DPYD: variants seen among roughly 807,000 people sequenced by gnomAD.
The protein encoded by DPYD is dihydropyrimidine dehydrogenase [NADP(+)].
Under a neutral mutation model 116.2 loss-of-function variants are expected in DPYD, and 109 were observed. That is an observed-to-expected ratio of 0.94 (90% confidence interval 0.80 to 1.10). The LOEUF is 1.10. Ranked by LOEUF, DPYD falls within the 50% of genes least tolerant of loss-of-function variation. The probability of loss-of-function intolerance (pLI) is 0.00; values close to 1 mark genes in which losing one functional copy is unlikely to be tolerated. For synonymous variants in DPYD, 440 were observed against 432.0 expected, an observed-to-expected ratio of 1.02 and a Z score of -0.23; for missense variants, 1,302 against 1,254.5, an observed-to-expected ratio of 1.04 and a Z score of -0.57.
intron 8 of DPYD, among the ~76,000 whole-genome samples, chr1:97,640,947 T>C (rs1657856255): frequency 6.6e-6 from 1 of 152,236 alleles, no homozygotes; most frequent in African/African-American, 2.4e-5. Flanking sequence ...TTGCCTGCTA[T>C]GATTTTAATG....
At chr1:97,734,085 G>T (rs1451134046) in intron 4 of DPYD, among the ~76,000 whole-genome samples, 3 of 151,982 alleles carry the variant, frequency 2.0e-5, no homozygotes, top group Non-Finnish European at 4.4e-5. Flanking sequence ...TTCAAGTGTG[G>T]TTAGTTTTTA....
chr1:97,905,071 G>T (rs1172595652), intron 1 of DPYD, among the ~76,000 whole-genome samples: 2 of 151,894 alleles, frequency 1.3e-5, no homozygotes, highest in African/African-American at 4.8e-5. Flanking sequence ...TACTATTTTA[G>T]AATTGATAAA....
At chr1:97,374,368 T>C (rs192631667) in intron 15 of DPYD, among the ~76,000 whole-genome samples, 419 of 152,256 alleles carry the variant, frequency 2.8e-3, no homozygotes, top group African/African-American at 9.3e-3. Flanking sequence ...ACTTTGAGAA[T>C]CTTAGAATTC....
intron 3 of DPYD, among the ~76,000 whole-genome samples, chr1:97,751,862 A>G (rs1239001040): frequency 6.6e-6 from 1 of 151,146 alleles, no homozygotes; most frequent in African/African-American, 2.4e-5. Flanking sequence ...TCCTGGATTC[A>G]AGCGATTCTC....
In DPYD at chr1:97,477,604, CTTTTTTTTTTTT is replaced by C. The variant is rs56199931; in HGVS notation, c.1741-27393_1741-27382del. On this transcript the variant is annotated intron_variant, in intron 13 of 22. Coordinates refer to ENST00000370192, the MANE Select transcript of DPYD (RefSeq NM_000110.4). Reference sequence around the variant, plus strand: ...CTGACCTCCTTCCATGACTGTTCTTCTTTTTTTTTTTTTTTTTTTTTTTTTTTAAGACGGAGT... The same window carrying C: ...CTGACCTCCTTCCATGACTGTTCTTCTTTTTTTTTTTTTTTAAGACGGAGT... Among the ~76,000 whole-genome samples, 207 of 113,664 alleles carry C rather than the reference CTTTTTTTTTTTT, an allele frequency of 1.8e-3. 1 individual carries two copies. The highest frequency in any genetic ancestry group is 4.8e-3 in the Middle Eastern group (1 of 208). 74.6% of individuals were successfully genotyped at this position (113,664 alleles called of 152,430 possible). A position where few individuals can be genotyped will look rare whatever the true frequency, so the allele number is the denominator to read the frequency against.
chr1:97,158,459 A>C (rs1000725952), intron 20 of DPYD, among the ~76,000 whole-genome samples: 5 of 138,700 alleles, frequency 3.6e-5, no homozygotes, highest in African/African-American at 1.3e-4. Flanking sequence ...CTTCTCCTGC[A>C]GATAACTCAC....
intron 16 of DPYD, among the ~76,000 whole-genome samples, chr1:97,358,808 C>T (rs1413964010): frequency 6.6e-6 from 1 of 152,084 alleles, no homozygotes; most frequent in African/African-American, 2.4e-5. Context: ...ATCTGTAGGT[C>T]ACCAACATTA....
At chr1:97,603,552 T>A (rs1655395546) in intron 8 of DPYD, among the ~76,000 whole-genome samples, 1 of 152,108 alleles carries the variant, frequency 6.6e-6, no homozygotes, top group Non-Finnish European at 1.5e-5. Context: ...GCTGCCACCA[T>A]AAACACACAT....
chr1:97,668,863 A>G (rs1659708555), intron 8 of DPYD, among the ~76,000 whole-genome samples: 1 of 152,170 alleles, frequency 6.6e-6, no homozygotes, highest in Non-Finnish European at 1.5e-5. Context: ...AAAGGAAAGA[A>G]TAGAAACACA....
chr1:97,098,361 T>G lies in DPYD; in HGVS notation c.2766+128A>C, dbSNP rs557608721. ...GCAGTTTTCACCATGGACAGATGTT[T>G]TTAAAACTTTCATTATAATTCTAAA... On this transcript the variant is annotated intron_variant, in intron 21 of 22. Transcript: ENST00000370192. 4.4e-6 allele frequency: 5 copies of G among 1,146,510 alleles called. No homozygotes were observed. The South Asian group carries it at 7.2e-5, about 16-fold the overall frequency. 71.0% of individuals were successfully genotyped at this position (1,146,510 alleles called of 1,614,324 possible).
intron 16 of DPYD, among the ~76,000 whole-genome samples, chr1:97,315,246 T>C (rs998355595): frequency 2.6e-5 from 4 of 151,886 alleles, no homozygotes; most frequent in African/African-American, 9.7e-5. Context: ...TCTAACTGCT[T>C]CCTCCTTTAG....
At chr1:97,897,009 G>T (rs998391234) in intron 1 of DPYD, among the ~76,000 whole-genome samples, 1 of 151,682 alleles carries the variant, frequency 6.6e-6, no homozygotes, top group African/African-American at 2.4e-5. Context: ...TGTAATCCTT[G>T]GTGCAAACCC....
intron 13 of DPYD, among the ~76,000 whole-genome samples, chr1:97,487,518 A>C (rs1678712723): frequency 6.6e-6 from 1 of 151,940 alleles, no homozygotes. Context: ...CTAAAAATAC[A>C]AAAAATTAGC....
At chr1:97,469,183 T>C (rs1677488324) in intron 13 of DPYD, among the ~76,000 whole-genome samples, 1 of 152,068 alleles carries the variant, frequency 6.6e-6, no homozygotes, top group Admixed American at 6.5e-5. Flanking sequence ...ATATCTGTAA[T>C]GTTTGATAGC....
intron 16 of DPYD, among the ~76,000 whole-genome samples, chr1:97,362,089 A>T (rs945342234): frequency 1.3e-5 from 2 of 152,264 alleles, no homozygotes; most frequent in Admixed American, 1.3e-4. Context: ...TTAAGCTGAT[A>T]AGCAACTTCA....
At chr1:97,201,963 T>C (rs1243808967) in intron 19 of DPYD, among the ~76,000 whole-genome samples, 1 of 151,964 alleles carries the variant, frequency 6.6e-6, no homozygotes, top group East Asian at 1.9e-4. Flanking sequence ...GAATACCATC[T>C]TGTTTCCCCC....
chr1:97,705,078 G>GT (rs1450286126), intron 5 of DPYD, among the ~76,000 whole-genome samples: 2 of 151,548 alleles, frequency 1.3e-5, no homozygotes, highest in Non-Finnish European at 2.9e-5. Flanking sequence ...CTGTGGTCAG[G>GT]TTCACATACA....
At chr1:97,649,479 C>T (rs1030208865) in intron 8 of DPYD, among the ~76,000 whole-genome samples, 2 of 152,000 alleles carry the variant, frequency 1.3e-5, no homozygotes, top group Admixed American at 1.3e-4. Flanking sequence ...GAATAAGTTA[C>T]TTAAAATATG....
chr1:97,241,522 G>C (rs932112756), intron 18 of DPYD, among the ~76,000 whole-genome samples: 1 of 151,966 alleles, frequency 6.6e-6, no homozygotes, highest in Admixed American at 6.6e-5. Flanking sequence ...CGACATGAAA[G>C]TTCCCATTTT....
Sources: allele counts gnomAD v4.1 joint callset (sites outside exome capture counted in the v4.1 genomes callset), GRCh38; gene constraint gnomAD v4.1.1; transcripts MANE v1.5; gene names NCBI Gene and HGNC (gene_info 2026-07-23, HGNC 2026-07-21).